Variants in LMNTD1 observed in about 807,000 individuals in gnomAD.
The protein encoded by LMNTD1 is lamin tail domain containing 1.
Under a neutral mutation model 50.9 loss-of-function variants are expected in LMNTD1, and 35 were observed. The ratio of observed to expected loss-of-function variants is 0.69; its 90% CI spans 0.53 to 0.91. The LOEUF (loss-of-function observed/expected upper bound fraction) is 0.91. Ranked by LOEUF, LMNTD1 falls within the 40% of genes least tolerant of loss-of-function variation. The probability of loss-of-function intolerance (pLI) is 0.00; values close to 1 mark genes in which losing one functional copy is unlikely to be tolerated. For synonymous variants in LMNTD1, 153 were observed against 161.9 expected, an observed-to-expected ratio of 0.94 and a Z score of 0.42; for missense variants, 470 against 475.5, an observed-to-expected ratio of 0.99 and a Z score of 0.11.
chr12:25,489,589 T>C (rs1180048779), intron 9 of LMNTD1, among the ~76,000 whole-genome samples: 1 of 150,580 alleles, frequency 6.6e-6, no homozygotes, highest in Non-Finnish European at 1.5e-5. Context: ...ACCAGTCTTC[T>C]GCGTCGCTCA....
chr12:25,527,673 T>TATATATAC (rs1941874146), intron 4 of LMNTD1, among the ~76,000 whole-genome samples: 1 of 21,458 alleles, frequency 4.7e-5, no homozygotes, highest in Non-Finnish European at 1.2e-4. Context: ...TATATATATA[T>TATATATAC]ATATATATAC....
chr12:25,640,179 G>C (rs1946923995), intron 1 of LMNTD1, among the ~76,000 whole-genome samples: 1 of 152,132 alleles, frequency 6.6e-6, no homozygotes, highest in South Asian at 2.1e-4. Flanking sequence ...CTGCTAACGA[G>C]TGTGAAGTTT....
rs175915 is a variant in LMNTD1, at chr12:25,534,740, G to A, written c.492-7785C>T. On this transcript the variant is annotated intron_variant, in intron 4 of 9. Transcript: ENST00000458174. ...TAAGGAAGTTCCCACCAGCCAGACT[G>A]AAAAAGCTCATAATTAATGGGGCCT... is the stretch of plus-strand genomic sequence containing the variant. Among the ~76,000 whole-genome samples the A allele has an allele frequency of 5.8e-3, 878 of 152,302 alleles. 9 individuals are homozygous for A. Among genetic ancestry groups the A allele is most frequent in the Middle Eastern group, 0.031 (9 of 294 alleles).
At chr12:25,483,059 G>A (rs1024691903) in intron 9 of LMNTD1, among the ~76,000 whole-genome samples, 4 of 151,960 alleles carry the variant, frequency 2.6e-5, no homozygotes, top group Non-Finnish European at 4.4e-5. Context: ...TTCAGCATTT[G>A]TGTTTACCTT....
At chr12:25,481,406 A>G (rs944168386) in intron 9 of LMNTD1, among the ~76,000 whole-genome samples, 6 of 152,110 alleles carry the variant, frequency 3.9e-5, no homozygotes, top group African/African-American at 7.3e-5. Flanking sequence ...CACAGAGAAC[A>G]TAGCAGGCAA....
chr12:25,484,902 CATT>C (rs1938571952), intron 9 of LMNTD1, among the ~76,000 whole-genome samples: 1 of 148,538 alleles, frequency 6.7e-6, no homozygotes, highest in Admixed American at 6.7e-5. Context: ...TCCAGTCTAT[CATT>C]GTTGGACATT....
At chr12:25,550,964 T>C (rs756788374) in intron 2 of LMNTD1, among the ~76,000 whole-genome samples, 7 of 152,220 alleles carry the variant, frequency 4.6e-5, no homozygotes, top group Non-Finnish European at 7.3e-5. Flanking sequence ...CAAGCATTCA[T>C]ATTTGTCAGA....
intron 3 of LMNTD1, among the ~76,000 whole-genome samples, chr12:25,548,122 G>A (rs1943540599): frequency 6.6e-6 from 1 of 151,742 alleles, no homozygotes; most frequent in Non-Finnish European, 1.5e-5. Context: ...AAAGGTCAAT[G>A]TAAACTTAGG....
At chr12:25,496,196 G>A (rs1313117439) in intron 9 of LMNTD1, among the ~76,000 whole-genome samples, 1 of 152,172 alleles carries the variant, frequency 6.6e-6, no homozygotes, top group African/African-American at 2.4e-5. Flanking sequence ...GAGGTTGGGA[G>A]GGAAGTCTGT....
intron 1 of LMNTD1, among the ~76,000 whole-genome samples, chr12:25,576,834 T>G (rs553188806): frequency 6.6e-6 from 1 of 152,274 alleles, no homozygotes; most frequent in Non-Finnish European, 1.5e-5. Flanking sequence ...GGTCTAACAT[T>G]TAAGTCTTTA....
chr12:25,573,674 C>T (rs1944888582), intron 1 of LMNTD1, among the ~76,000 whole-genome samples: 1 of 152,124 alleles, frequency 6.6e-6, no homozygotes, highest in Non-Finnish European at 1.5e-5. Flanking sequence ...TCTTTGTTCC[C>T]TAGGAAATTG....
intron 8 of LMNTD1, among the ~76,000 whole-genome samples, chr12:25,504,246 C>T (rs1206753091): frequency 6.6e-6 from 1 of 152,090 alleles, no homozygotes; most frequent in Admixed American, 6.6e-5. Flanking sequence ...GAGGGAGGTC[C>T]AGCAATTGGC....
chr12:25,490,108 G>A (rs903315920), intron 9 of LMNTD1, among the ~76,000 whole-genome samples: 3 of 152,214 alleles, frequency 2.0e-5, no homozygotes, highest in Non-Finnish European at 2.9e-5. Flanking sequence ...AGCCTGTAAT[G>A]TGTAATGTAT....
chr12:25,525,973 G>A, intron 6 of LMNTD1, 126 bp downstream of exon 6: 1 of 575,988 alleles, frequency 1.7e-6, no homozygotes. Context: ...TAGGCATAAA[G>A]TCAATTTTAC....
chr12:25,506,458 C>G (rs1043296877), intron 8 of LMNTD1, among the ~76,000 whole-genome samples: 3 of 152,126 alleles, frequency 2.0e-5, no homozygotes, highest in Non-Finnish European at 2.9e-5. Context: ...ACAATATCAA[C>G]TCGAAACAAT....
chr12:25,552,580 T>TAAAAAAAAA (rs1289513461), intron 2 of LMNTD1, among the ~76,000 whole-genome samples: 2 of 8,308 alleles, frequency 2.4e-4, no homozygotes, highest in South Asian at 3.8e-3. Context: ...GCACTCTGTC[T>TAAAAAAAAA]GAAAAAAAAA....
chr12:25,632,015 C>G (rs376269931), intron 1 of LMNTD1, among the ~76,000 whole-genome samples: 1 of 152,186 alleles, frequency 6.6e-6, no homozygotes, highest in East Asian at 1.9e-4. Flanking sequence ...CTCTGCAAAG[C>G]CTCAGCAATA....
chr12:25,632,784 C>T (rs1199983218), intron 1 of LMNTD1, among the ~76,000 whole-genome samples: 1 of 152,042 alleles, frequency 6.6e-6, no homozygotes, highest in African/African-American at 2.4e-5. Flanking sequence ...ACAAGGGCAA[C>T]AAATAGCAAA....
At chr12:25,586,665 G>A (rs1945533849) in intron 1 of LMNTD1, among the ~76,000 whole-genome samples, 1 of 152,126 alleles carries the variant, frequency 6.6e-6, no homozygotes, top group Non-Finnish European at 1.5e-5. Context: ...TAAGCTTGCT[G>A]CATGGACTGT....
Sources: gnomAD v4.1 joint callset for allele counts (sites outside exome capture counted in the v4.1 genomes callset) on GRCh38, gnomAD v4.1.1 for gene constraint, MANE v1.5 for transcripts, NCBI Gene and HGNC (gene_info 2026-07-23, HGNC 2026-07-21) for gene names.